ARHGAP19: variants seen among roughly 807,000 people sequenced by gnomAD.
ARHGAP19 encodes rho GTPase-activating protein 19.
In ARHGAP19, 48 loss-of-function variants were observed where a neutral mutation model predicts 60.9. That is an observed-to-expected ratio of 0.79 (90% CI 0.62 to 1.00). The LOEUF is 1.00. Among genes scored for constraint, ARHGAP19 ranks in the 50% least tolerant of loss-of-function variants. The probability of loss-of-function intolerance (pLI) is 0.00; values close to 1 mark genes in which losing one functional copy is unlikely to be tolerated. For synonymous variants in ARHGAP19, 209 were observed against 215.5 expected (o/e 0.97, Z 0.27); for missense variants, 562 against 597.2 (o/e 0.94, Z 0.61).
At chr10:97,244,232 G>A in intron 7 of ARHGAP19, 73 bp from the exon 8 acceptor site, 12 of 1,321,666 alleles carry the variant, frequency 9.1e-6, no homozygotes, top group Admixed American at 2.4e-5. Flanking sequence ...ACAAAAACCT[G>A]GAACAAAAAA....
chr10:97,284,403 G>A (rs1202043794), intron 1 of ARHGAP19, among the ~76,000 whole-genome samples: 1 of 152,030 alleles, frequency 6.6e-6, no homozygotes, highest in Non-Finnish European at 1.5e-5. Context: ...GATTATAGGC[G>A]TGAGACACTC....
intron 1 of ARHGAP19, among the ~76,000 whole-genome samples, chr10:97,271,214 T>C (rs185855377): frequency 1.3e-5 from 2 of 152,242 alleles, no homozygotes; most frequent in Admixed American, 1.3e-4. Context: ...TCACAATGCC[T>C]CTAAAGAGAA....
chr10:97,259,714 C>A, intron 4 of ARHGAP19, 86 bp from the exon 5 acceptor site: 1 of 929,358 alleles, frequency 1.1e-6, no homozygotes, highest in South Asian at 1.4e-5. Flanking sequence ...CCCCTCAACT[C>A]CCATCAAAGA....
intron 6 of ARHGAP19, among the ~76,000 whole-genome samples, chr10:97,249,241 G>A (rs1842606666): frequency 6.6e-6 from 1 of 152,120 alleles, no homozygotes; most frequent in African/African-American, 2.4e-5. Context: ...ATCAACGGAT[G>A]CTAAAACCAT....
chr10:97,272,673 T>G (rs1040890987), intron 1 of ARHGAP19, among the ~76,000 whole-genome samples: 1 of 152,178 alleles, frequency 6.6e-6, no homozygotes, highest in Non-Finnish European at 1.5e-5. Flanking sequence ...TCAAACTTTA[T>G]TGGTATAAAT....
At chr10:97,291,637 G>C (rs1463051746) in intron 1 of ARHGAP19, among the ~76,000 whole-genome samples, 1 of 152,162 alleles carries the variant, frequency 6.6e-6, no homozygotes, top group Admixed American at 6.6e-5. Flanking sequence ...GCTCATCTGG[G>C]CTCAGGAAGA....
At chr10:97,241,299 T>C (rs147879504) in intron 8 of ARHGAP19, among the ~76,000 whole-genome samples, 40 of 152,156 alleles carry the variant, frequency 2.6e-4, no homozygotes, top group African/African-American at 8.4e-4. Context: ...TACTCAAATA[T>C]GATCTTTTAC....
chr10:97,259,308 C>A, intron 5 of ARHGAP19, 94 bp downstream of exon 5: 1 of 1,022,406 alleles, frequency 9.8e-7, no homozygotes, highest in Non-Finnish European at 1.5e-6. Flanking sequence ...AAGGCTAGAC[C>A]TTGGACCCTT....
chr10:97,290,032 C>T (rs903393818), intron 1 of ARHGAP19, among the ~76,000 whole-genome samples: 6 of 151,836 alleles, frequency 4.0e-5, no homozygotes, highest in Non-Finnish European at 8.8e-5. Context: ...CTCTACAGTT[C>T]CCGGGCAAAA....
At chr10:97,261,876 G>T (rs1842833964) in intron 4 of ARHGAP19, among the ~76,000 whole-genome samples, 1 of 152,040 alleles carries the variant, frequency 6.6e-6, no homozygotes, top group Non-Finnish European at 1.5e-5. Context: ...CTACCACATG[G>T]GTATAAAGCA....
Position 97,229,844 on chromosome 10 carries a change from C to A in ARHGAP19, c.1315G>T (p.Glu439Ter), listed in dbSNP as rs1374391435. ...RKVLGNQMMS[E>*]KKKKNPTPES... ...GGAGTAGGGTTCTTCTTTTTCTTTTCTGACATCATCTGATTTCCCAGGACC... is the reference window on the plus strand; with the variant it reads ...GGAGTAGGGTTCTTCTTTTTCTTTTATGACATCATCTGATTTCCCAGGACC... Residue 439 changes from glutamate to a stop codon, truncating the protein, a stop_gained, in exon 10 of 12, where the codon GAA (glutamate) becomes TAA (stop). Transcript: ENST00000358531. LOFTEE classifies it high-confidence loss of function. The A allele has an allele frequency of 1.2e-6, 2 of 1,611,880 alleles. No homozygotes were observed. Among genetic ancestry groups the A allele is most frequent in the Non-Finnish European group, 1.7e-6 (2 of 1,179,192 alleles).
intron 1 of ARHGAP19, among the ~76,000 whole-genome samples, chr10:97,268,606 G>A (rs1161777090): frequency 6.6e-6 from 1 of 152,226 alleles, no homozygotes; most frequent in African/African-American, 2.4e-5. Context: ...GGGAACAAAG[G>A]TATGTCTTAC....
chr10:97,286,936 GTTTT>G (rs61654186), intron 1 of ARHGAP19, among the ~76,000 whole-genome samples: 1 of 151,796 alleles, frequency 6.6e-6, no homozygotes. Context: ...AAAGTGGATA[GTTTT>G]TTTTGTTTTT....
chr10:97,226,156 C>T (rs773451095), intron 11 of ARHGAP19, 24 bp from the exon 12 acceptor site: 5 of 1,612,720 alleles, frequency 3.1e-6, no homozygotes, highest in Admixed American at 1.7e-5. Flanking sequence ...AAAACAAGAG[C>T]GTTAGACATG....
chr10:97,242,768 C>T (rs1240488327), intron 8 of ARHGAP19, among the ~76,000 whole-genome samples: 2 of 152,178 alleles, frequency 1.3e-5, no homozygotes, highest in Non-Finnish European at 1.5e-5. Flanking sequence ...CTTACCTCAT[C>T]CTCCCAAAGT....
At chr10:97,290,657 G>C (rs1399159655) in intron 1 of ARHGAP19, among the ~76,000 whole-genome samples, 1 of 152,090 alleles carries the variant, frequency 6.6e-6, no homozygotes, top group African/African-American at 2.4e-5. Context: ...TGGTGACCAC[G>C]AAGGGGCATC....
intron 1 of ARHGAP19, among the ~76,000 whole-genome samples, chr10:97,274,555 T>C (rs1286494215): frequency 6.6e-6 from 1 of 152,124 alleles, no homozygotes; most frequent in African/African-American, 2.4e-5. Flanking sequence ...GAAGCAAATA[T>C]GGCAAAATGT....
In ARHGAP19 at chr10:97,224,619, G is replaced by A. The variant is rs1850861910; in HGVS notation, c.*1503C>T. 1 of 152,244 alleles carries A rather than the reference G, an allele frequency of 6.6e-6. No individual in the cohort carries two copies. Among genetic ancestry groups the A allele is most frequent in the Admixed American group, 6.5e-5 (1 of 15,288 alleles). 9.4% of individuals were successfully genotyped at this position (152,244 alleles called of 1,614,324 possible). A position where few individuals can be genotyped will look rare whatever the true frequency, so the allele number is the denominator to read the frequency against. Reference sequence around the variant, plus strand: ...CAGAGTCATCTTTCATTTCAGCAATGGTGCAGCATATTCAACAGTTTAGAA... The same window carrying A: ...CAGAGTCATCTTTCATTTCAGCAATAGTGCAGCATATTCAACAGTTTAGAA... On this transcript the variant is annotated 3_prime_UTR_variant, in exon 12 of 12. Transcript: ENST00000358531.
chr10:97,273,893 T>C (rs1842991216), intron 1 of ARHGAP19, among the ~76,000 whole-genome samples: 2 of 151,490 alleles, frequency 1.3e-5, no homozygotes, highest in Admixed American at 1.3e-4. Context: ...GTAATGAAAA[T>C]GGACAGACTC....
Sources: gnomAD v4.1 joint callset for allele counts (sites outside exome capture counted in the v4.1 genomes callset) on GRCh38, gnomAD v4.1.1 for gene constraint, MANE v1.5 for transcripts, NCBI Gene and HGNC (gene_info 2026-07-23, HGNC 2026-07-21) for gene names.